The following SYCE1 variants were observed in gnomAD, a reference collection of about 807,000 sequenced individuals.
SYCE1 encodes the protein synaptonemal complex central element protein 1, also known as cancer/testis antigen 76.
Under a neutral mutation model 55.1 loss-of-function variants are expected in SYCE1, and 37 were observed. The ratio of observed to expected loss-of-function variants is 0.67; its 90% confidence interval spans 0.52 to 0.88. The LOEUF (loss-of-function observed/expected upper bound fraction) is 0.88, where lower values mean the gene tolerates loss of function less well. Ranked by LOEUF, SYCE1 falls within the 40% of genes least tolerant of loss-of-function variation. The pLI, the probability that SYCE1 is intolerant of heterozygous loss-of-function variation, is 0.00. For synonymous variants in SYCE1, 163 were observed against 159.4 expected (o/e 1.02, Z -0.17); for missense variants, 399 against 416.4 (o/e 0.96, Z 0.36).
rs572434611 is a variant in SYCE1 at position 133,557,922 on chromosome 10, T to C, written c.320-4A>G. On this transcript the variant is annotated splice_region_variant and splice_polypyrimidine_tract_variant and intron_variant, in intron 5 of 12. Coordinates refer to ENST00000343131, the MANE Select transcript of SYCE1 (RefSeq NM_001143764.3). Reference sequence around the variant, plus strand: ...AGCCGGAGGATCCTCAGGGTCTCTGTAGGGAGAGCAACAGGGCCCTATGAG... The same window carrying C: ...AGCCGGAGGATCCTCAGGGTCTCTGCAGGGAGAGCAACAGGGCCCTATGAG... 7.4e-6 allele frequency: 12 copies of C among 1,613,940 alleles called. No homozygotes were observed. Among genetic ancestry groups the C allele is most frequent in the South Asian group, 5.5e-5 (5 of 91,060 alleles).
At chr10:133,558,848 G>T (rs763935809) in intron 4 of SYCE1, 29 bp downstream of exon 4, 1 of 1,610,740 alleles carries the variant, frequency 6.2e-7, no homozygotes, top group Non-Finnish European at 8.5e-7. Context: ...ACACTGTGGG[G>T]ACCTCTGGGT....
At chr10:133,564,134 T>C (rs928172470) in intron 1 of SYCE1, among the ~76,000 whole-genome samples, 2 of 152,032 alleles carry the variant, frequency 1.3e-5, no homozygotes, top group Non-Finnish European at 2.9e-5. Flanking sequence ...CATTAGGAGG[T>C]GGGGCCTTTG....
chr10:133,554,844 C>G (rs1399910086), downstream of SYCE1: 1 of 1,449,260 alleles, frequency 6.9e-7, no homozygotes, highest in South Asian at 1.5e-5. Flanking sequence ...AATCCAGAGA[C>G]CAGGAGGTTA....
intron 12 of SYCE1, 61 bp from the exon 13 acceptor site, chr10:133,555,190 C>T (rs1851627508): frequency 6.5e-7 from 1 of 1,530,844 alleles, no homozygotes; most frequent in Non-Finnish European, 8.8e-7. Flanking sequence ...ACATGGTCCC[C>T]TCCTGCCCCA....
chr10:133,557,920 T>C lies in SYCE1; in HGVS notation c.320-2A>G. On this transcript the variant is annotated splice_acceptor_variant, in intron 5 of 12. Transcript: ENST00000343131. LOFTEE classifies it high-confidence loss of function. ...GCAGCCGGAGGATCCTCAGGGTCTC[T>C]GTAGGGAGAGCAACAGGGCCCTATG... 2.5e-6 allele frequency: 4 copies of C among 1,614,058 alleles called. No homozygotes were observed. The highest frequency in any genetic ancestry group is 2.5e-6 in the Non-Finnish European group (3 of 1,180,032).
Position 133,565,574 on chromosome 10 carries a change from A to C in SYCE1, c.-45T>G. The stretch of plus-strand genomic sequence containing the variant: ...GAGGGTGCCTCGGGAGGGAGCCTCC[A>C]GTGGTGATTGGAGCAACCGCCGCTG... On this transcript the variant is annotated 5_prime_UTR_variant, in exon 1 of 13. Coordinates refer to ENST00000343131, the MANE Select transcript of SYCE1 (RefSeq NM_001143764.3). 1 of 1,538,784 alleles carries C rather than the reference A, an allele frequency of 6.5e-7. No individual in the cohort carries two copies. Among genetic ancestry groups the C allele is most frequent in the Non-Finnish European group, 8.8e-7 (1 of 1,141,206 alleles).
chr10:133,558,911 G>C lies in SYCE1; in HGVS notation c.237C>G (p.Thr79=). 2 of 1,612,164 alleles carry C rather than the reference G, an allele frequency of 1.2e-6. No homozygotes were observed. The highest frequency in any genetic ancestry group is 3.3e-4 in the Middle Eastern group (2 of 6,056). The change falls in exon 4 of 13, where the codon ACC becomes ACG. Residue 79 remains threonine, a synonymous_variant. Coordinates refer to ENST00000343131, the MANE Select transcript of SYCE1 (RefSeq NM_001143764.3). The stretch of plus-strand genomic sequence containing the variant: ...GTTCCTTCTGCAGGGCCTCACAGAT[G>C]GTCCGGGCCTCTCCTAGGTCTTTAT... The part of the protein sequence containing the change: ...KANKDLGEAR[T]ICEALQKELD...
At chr10:133,565,831 G>A (rs753680922), upstream of SYCE1, among the ~76,000 whole-genome samples, 43 of 152,250 alleles carry the variant, frequency 2.8e-4, no homozygotes, top group Non-Finnish European at 5.4e-4. Flanking sequence ...ACCGGCCCTG[G>A]TTCTGGAGGC....
At chr10:133,554,332 T>C (rs372342069), downstream of SYCE1, 213 of 1,613,990 alleles carry the variant, frequency 1.3e-4, no homozygotes, top group African/African-American at 2.7e-3. Context: ...TGGGAGCCTG[T>C]CAAGAAAAGG....
upstream of SYCE1, among the ~76,000 whole-genome samples, chr10:133,565,737 C>A (rs767688181): frequency 1.1e-4 from 17 of 152,256 alleles, no homozygotes; most frequent in Admixed American, 1.1e-3. Context: ...GGCGGGAAGC[C>A]CGCCAGGGCC....
Position 133,557,860 on chromosome 10 carries a change from T to G in SYCE1, c.374+4A>C, listed in dbSNP as rs781407769. 13 of 1,614,012 alleles carry G rather than the reference T, an allele frequency of 8.1e-6. No homozygotes were observed. Among genetic ancestry groups the G allele is most frequent in the Non-Finnish European group, 1.1e-5 (13 of 1,180,024 alleles). On this transcript the variant is annotated splice_donor_region_variant and intron_variant, in intron 6 of 12. Transcript: ENST00000343131. ...CAGAGTTAGGCTCAGCTGGAAGCTC[T>G]TACCTGTGTGCCTCACTTTCCTTTT...
At chr10:133,554,632 C>T, downstream of SYCE1, 1 of 722,632 alleles carries the variant, frequency 1.4e-6, no homozygotes, top group Non-Finnish European at 2.5e-6. Flanking sequence ...CTCACTGATC[C>T]TCATTTTTAA....
Position 133,555,444 on chromosome 10 carries a change from C to T in SYCE1, c.831-6G>A, listed in dbSNP as rs1263579980. 6.2e-7 allele frequency: 1 copy of T among 1,613,752 alleles called. No individual in the cohort carries two copies. The highest frequency in any genetic ancestry group is 1.7e-5 in the Admixed American group (1 of 60,008). On this transcript the variant is annotated splice_region_variant and splice_polypyrimidine_tract_variant and intron_variant, in intron 11 of 12. Coordinates refer to ENST00000343131, the MANE Select transcript of SYCE1 (RefSeq NM_001143764.3). The stretch of plus-strand genomic sequence containing the variant: ...TTTCCAGCTCTTCCTTCAGCCTGGA[C>T]AGGAAGAGGTAGGATGGGGGAAGGA...
Position 133,558,177 on chromosome 10 carries a change from G to A in SYCE1, c.309C>T (p.Ser103=), listed in dbSNP as rs371072591. The change falls in exon 5 of 13, where the codon AGC becomes AGT. Residue 103 remains serine (S), a synonymous_variant. Coordinates refer to ENST00000343131, the MANE Select transcript of SYCE1 (RefSeq NM_001143764.3). ...GEKVHLKEIL[S]KKQETLRILR... ...GGGAGCGGCAAATACCTTGTTTTTT[G>A]CTCAAGATCTCCTTCAGGTGTACTT... The A allele has an allele frequency of 2.2e-5, 35 of 1,613,986 alleles. No individual in the cohort carries two copies. The highest frequency in any genetic ancestry group is 2.8e-5 in the Non-Finnish European group (33 of 1,180,016).
downstream of SYCE1, chr10:133,554,782 G>A: frequency 6.1e-6 from 9 of 1,466,018 alleles, no homozygotes; most frequent in Non-Finnish European, 8.1e-6. Flanking sequence ...TCTCGGGCCT[G>A]CATCCCTCTG....
upstream of SYCE1, chr10:133,567,886 G>A (rs11101844): frequency 0.11 from 52,406 of 490,458 alleles, 3,537 homozygotes; most frequent in East Asian, 0.26. Context: ...TGGGAGGTGG[G>A]AGGCTGAGGC....
chr10:133,563,981 TA>T (rs1851870806), intron 1 of SYCE1, among the ~76,000 whole-genome samples: 1 of 151,622 alleles, frequency 6.6e-6, no homozygotes, highest in South Asian at 2.1e-4. Flanking sequence ...TGACCCTAGA[TA>T]ACATCCCTGC....
chr10:133,566,558 G>A (rs904761605), upstream of SYCE1, among the ~76,000 whole-genome samples: 1 of 149,996 alleles, frequency 6.7e-6, no homozygotes, highest in African/African-American at 2.4e-5. Context: ...GGCTAGGGTC[G>A]GGGTAGGGGT....
At chr10:133,558,739 G>C (rs575807871) in intron 4 of SYCE1, 138 bp downstream of exon 4, 10 of 803,546 alleles carry the variant, frequency 1.2e-5, no homozygotes, top group South Asian at 1.2e-4. Flanking sequence ...AGAGAGGAGA[G>C]GGGGAGATTG....
Sources: gnomAD v4.1 joint callset for allele counts (sites outside exome capture counted in the v4.1 genomes callset) on GRCh38, gnomAD v4.1.1 for gene constraint, MANE v1.5 for transcripts, NCBI Gene and HGNC (gene_info 2026-07-23, HGNC 2026-07-21) for gene names.